The following CCSER2 variants were observed in gnomAD, a reference collection of about 807,000 sequenced individuals.
CCSER2 encodes the protein coiled-coil serine rich protein 2, also known as serine-rich coiled-coil domain-containing protein 2.
In CCSER2, 46 loss-of-function variants were observed where a neutral mutation model predicts 92.3. The ratio of observed to expected loss-of-function variants is 0.50; its 90% CI spans 0.39 to 0.64. The LOEUF (loss-of-function observed/expected upper bound fraction) is 0.64, where lower values mean the gene tolerates loss of function less well. Among genes scored for constraint, CCSER2 ranks in the 30% least tolerant of loss-of-function variants. The pLI is 0.00. For missense variants in CCSER2, 1,244 were observed against 1,238.9 expected, an observed-to-expected ratio of 1.00 and a Z score of -0.06; for synonymous variants, 433 against 431.4, an observed-to-expected ratio of 1.00 and a Z score of -0.04.
intron 3 of CCSER2, among the ~76,000 whole-genome samples, chr10:84,384,880 A>G (rs1841103872): frequency 6.6e-6 from 1 of 152,156 alleles, no homozygotes; most frequent in Admixed American, 6.5e-5. Context: ...CCTCCAAAAG[A>G]CTTTTAGAAT....
intron 1 of CCSER2, among the ~76,000 whole-genome samples, chr10:84,353,902 A>C (rs1455047699): frequency 2.1e-4 from 22 of 104,164 alleles, no homozygotes; most frequent in Admixed American, 2.1e-3. Flanking sequence ...AAAACAAAAA[A>C]ACAAAAAAAC....
At chr10:84,421,705 C>T (rs1843158534) in intron 4 of CCSER2, among the ~76,000 whole-genome samples, 1 of 152,058 alleles carries the variant, frequency 6.6e-6, no homozygotes, top group South Asian at 2.1e-4. Context: ...TCTTAAGGGT[C>T]ATGACTGACA....
At chr10:84,423,082 A>G (rs1843234368) in intron 4 of CCSER2, among the ~76,000 whole-genome samples, 1 of 152,066 alleles carries the variant, frequency 6.6e-6, no homozygotes, top group Non-Finnish European at 1.5e-5. Flanking sequence ...TGTCTCTGGA[A>G]ACCGAATTTG....
intron 9 of CCSER2, among the ~76,000 whole-genome samples, chr10:84,485,283 G>C (rs1052051676): frequency 1.3e-5 from 2 of 152,164 alleles, no homozygotes; most frequent in Non-Finnish European, 2.9e-5. Flanking sequence ...TATAACTTGT[G>C]TAGTAATGAT....
rs1002900225 is a variant in CCSER2, at chr10:84,515,839, G to T, written c.*1572G>T. The T allele has an allele frequency of 2.0e-5, 3 of 152,180 alleles. No homozygotes were observed. The highest frequency in any genetic ancestry group is 4.4e-5 in the Non-Finnish European group (3 of 68,032). 9.4% of individuals were successfully genotyped at this position (152,180 alleles called of 1,614,324 possible). A position where few individuals can be genotyped will look rare whatever the true frequency, so the allele number is the denominator to read the frequency against. ...TTCTTATTTTAATACGCTGTAGAAG[G>T]TAGGTGTGGAACCTCCATGCTACCA... On this transcript the variant is annotated 3_prime_UTR_variant, in exon 10 of 10. Coordinates refer to ENST00000372088, the MANE Select transcript of CCSER2 (RefSeq NM_001284240.2).
chr10:84,386,847 T>C (rs1038167934), intron 3 of CCSER2, among the ~76,000 whole-genome samples: 2 of 152,210 alleles, frequency 1.3e-5, no homozygotes, highest in African/African-American at 4.8e-5. Flanking sequence ...GGAAATCATA[T>C]ACTGCATGTT....
At chr10:84,491,631 C>T (rs1848171695) in intron 9 of CCSER2, among the ~76,000 whole-genome samples, 1 of 152,088 alleles carries the variant, frequency 6.6e-6, no homozygotes, top group African/African-American at 2.4e-5. Flanking sequence ...TTCCAGGATC[C>T]GTCTGTCACC....
intron 1 of CCSER2, among the ~76,000 whole-genome samples, chr10:84,369,652 TTTTAG>T (rs2133159423): frequency 6.6e-6 from 1 of 152,176 alleles, no homozygotes; most frequent in African/African-American, 2.4e-5. Context: ...AGCAGAAGCT[TTTTAG>T]TTTAATTAGG....
At chr10:84,386,724 C>G (rs943785473) in intron 3 of CCSER2, among the ~76,000 whole-genome samples, 1 of 152,204 alleles carries the variant, frequency 6.6e-6, no homozygotes, top group East Asian at 1.9e-4. Context: ...GAGCAAGACT[C>G]TTTCTCCAGA....
intron 3 of CCSER2, among the ~76,000 whole-genome samples, chr10:84,398,593 T>A (rs1325578245): frequency 6.6e-6 from 1 of 152,160 alleles, no homozygotes; most frequent in Non-Finnish European, 1.5e-5. Flanking sequence ...TTTCTCAGAT[T>A]TTGAATTTAT....
At chr10:84,333,497 T>C (rs1294001052) in intron 1 of CCSER2, among the ~76,000 whole-genome samples, 1 of 152,242 alleles carries the variant, frequency 6.6e-6, no homozygotes, top group Non-Finnish European at 1.5e-5. Context: ...TAAAAGATGC[T>C]ATTTCAAAAG....
chr10:84,380,694 CTTTTT>C (rs34999469), intron 3 of CCSER2, among the ~76,000 whole-genome samples: 3 of 133,722 alleles, frequency 2.2e-5, no homozygotes, highest in Non-Finnish European at 1.6e-5. Context: ...TGTTCCTTTT[CTTTTT>C]TTTTTTTTTT....
chr10:84,377,491 A>G (rs751624843), intron 3 of CCSER2, among the ~76,000 whole-genome samples: 4 of 152,128 alleles, frequency 2.6e-5, no homozygotes, highest in African/African-American at 4.8e-5. Context: ...GCATAGACAA[A>G]TATTTCTGTT....
At chr10:84,391,674 T>C (rs1841525943) in intron 3 of CCSER2, 3 of 1,530,498 alleles carry the variant, frequency 2.0e-6, no homozygotes, top group Non-Finnish European at 1.8e-6. Context: ...CCAAAGACAT[T>C]GTTAGAGAAT....
chr10:84,397,260 T>G (rs932726273), intron 3 of CCSER2, among the ~76,000 whole-genome samples: 4 of 152,218 alleles, frequency 2.6e-5, no homozygotes, highest in Non-Finnish European at 5.9e-5. Context: ...ATGATATTTT[T>G]ATTACCACCT....
chr10:84,385,884 G>GA (rs1053340092), intron 3 of CCSER2, among the ~76,000 whole-genome samples: 15 of 150,850 alleles, frequency 9.9e-5, no homozygotes, highest in African/African-American at 3.6e-4. Flanking sequence ...AACTCAACAA[G>GA]AAAAAAAATG....
intron 1 of CCSER2, among the ~76,000 whole-genome samples, chr10:84,337,277 A>G (rs1271102535): frequency 1.3e-5 from 2 of 152,184 alleles, no homozygotes. Flanking sequence ...GAGGGAGAGA[A>G]ACTAGCAGAG....
At chr10:84,484,487 GCA>G (rs1445110326) in intron 9 of CCSER2, among the ~76,000 whole-genome samples, 3 of 130,816 alleles carry the variant, frequency 2.3e-5, no homozygotes, top group African/African-American at 9.9e-5. Context: ...ATGTGTGCAT[GCA>G]CGTGTGTGTG....
At chr10:84,511,559 A>C (rs1387539380) in intron 9 of CCSER2, among the ~76,000 whole-genome samples, 4 of 152,226 alleles carry the variant, frequency 2.6e-5, no homozygotes, top group Non-Finnish European at 4.4e-5. Flanking sequence ...CAGAAGTCTT[A>C]AATTGCTTTA....
Sources: allele counts gnomAD v4.1 joint callset (sites outside exome capture counted in the v4.1 genomes callset), GRCh38; gene constraint gnomAD v4.1.1; transcripts MANE v1.5; gene names NCBI Gene and HGNC (gene_info 2026-07-23, HGNC 2026-07-21).